Variants in INTS6 observed in about 807,000 individuals in gnomAD.
INTS6 encodes integrator complex subunit 6, also known as DEAD box protein.
A neutral mutation model predicts 104.9 loss-of-function variants in INTS6; 16 were observed. The observed-to-expected ratio is 0.15, with a 90% CI of 0.10 to 0.23. INTS6 has a LOEUF of 0.23. Among genes scored for constraint, INTS6 ranks in the 10% least tolerant of loss-of-function variants. The pLI, the probability that INTS6 is intolerant of heterozygous loss-of-function variation, is 1.00. For missense variants in INTS6, 584 were observed against 1,062.8 expected (o/e 0.55, Z 6.26); for synonymous variants, 324 against 358.7 (o/e 0.90, Z 1.09).
chr13:51,433,912 C>T (rs1957141078), intron 3 of INTS6, among the ~76,000 whole-genome samples: 1 of 152,142 alleles, frequency 6.6e-6, no homozygotes, highest in Non-Finnish European at 1.5e-5. Flanking sequence ...CCTAAAAAAA[C>T]TTAGTGAGGT....
At chr13:51,400,539 A>G (rs1298558970) in intron 4 of INTS6, among the ~76,000 whole-genome samples, 1 of 152,180 alleles carries the variant, frequency 6.6e-6, no homozygotes, top group Non-Finnish European at 1.5e-5. Flanking sequence ...TGGATATCCA[A>G]TTGATACAGG....
chr13:51,434,676 T>A (rs1045192608), intron 3 of INTS6, among the ~76,000 whole-genome samples: 1 of 152,130 alleles, frequency 6.6e-6, no homozygotes, highest in African/African-American at 2.4e-5. Flanking sequence ...ATTAACAAAT[T>A]TATTTAAGCA....
chr13:51,382,216 G>A lies in INTS6; in HGVS notation c.1181-93C>T. ...ACGTTTCCTTTTTAAAGTCTGCTTT[G>A]TTATTTTTGAGAGAGTAACATCAGA... On this transcript the variant is annotated intron_variant, in intron 9 of 17. Transcript: ENST00000311234. The A allele has an allele frequency of 4.8e-6, 3 of 627,710 alleles. 1 individual carries two copies. The South Asian group carries it at 7.2e-5, about 15-fold the overall frequency. 38.9% of individuals were successfully genotyped at this position (627,710 alleles called of 1,614,324 possible).
chr13:51,402,841 T>TCACC (rs1356711631), intron 4 of INTS6: 4 of 152,228 alleles, frequency 2.6e-5, no homozygotes, highest in Non-Finnish European at 5.9e-5. Flanking sequence ...GTGACAGTTA[T>TCACC]CACCAGGTAT....
intron 12 of INTS6, 85 bp from the exon 13 acceptor site, chr13:51,376,259 G>A: frequency 4.7e-6 from 5 of 1,064,812 alleles, no homozygotes; most frequent in South Asian, 2.2e-5. Context: ...GCATAGGTTT[G>A]GAAATAAGAT....
At chr13:51,429,639 C>T (rs1326770506) in intron 4 of INTS6, among the ~76,000 whole-genome samples, 1 of 151,264 alleles carries the variant, frequency 6.6e-6, no homozygotes, top group Non-Finnish European at 1.5e-5. Flanking sequence ...TGGCTCATGC[C>T]TGTAATCCCA....
intron 6 of INTS6, 40 bp downstream of exon 6, chr13:51,389,279 A>G: frequency 6.3e-7 from 1 of 1,597,526 alleles, no homozygotes; most frequent in Non-Finnish European, 8.5e-7. Context: ...ATAAACAATA[A>G]AGCAAGTTTT....
chr13:51,378,598 G>T, intron 11 of INTS6, 144 bp from the exon 12 acceptor site: 1 of 417,520 alleles, frequency 2.4e-6, no homozygotes, highest in Non-Finnish European at 4.1e-6. Context: ...TTTATGTCAA[G>T]TATTGGGTAA....
chr13:51,399,660 TTCA>T (rs1221421990), intron 4 of INTS6, among the ~76,000 whole-genome samples: 1 of 152,110 alleles, frequency 6.6e-6, no homozygotes, highest in East Asian at 1.9e-4. Context: ...CTGTATCTCC[TTCA>T]TCAACACTTA....
chr13:51,452,073 G>A lies in INTS6; in HGVS notation c.112-18C>T, dbSNP rs753022928. The A allele has an allele frequency of 6.8e-6, 11 of 1,606,792 alleles. No individual in the cohort carries two copies. Among genetic ancestry groups the A allele is most frequent in the Non-Finnish European group, 8.5e-6 (10 of 1,176,284 alleles). On this transcript the variant is annotated intron_variant, in intron 1 of 17. Transcript: ENST00000311234. This position sits in a 1 kb window ranked among gnomAD's most constrained non-coding sequence, Gnocchi z 4.2. ...GCACGGAGCTGCGGGACGGGAGGAG[G>A]AACAGGGCGGGCGACAGGGAAGCAC...
At chr13:51,373,049 A>C (rs1955842434) in intron 15 of INTS6, among the ~76,000 whole-genome samples, 1 of 151,916 alleles carries the variant, frequency 6.6e-6, no homozygotes, top group African/African-American at 2.4e-5. Context: ...TCTGGAAAAA[A>C]TATTTTTTTT....
At chr13:51,435,235 C>A (rs1418418200) in intron 3 of INTS6, among the ~76,000 whole-genome samples, 1 of 151,988 alleles carries the variant, frequency 6.6e-6, no homozygotes, top group Non-Finnish European at 1.5e-5. Context: ...GTTTTACTCT[C>A]AGAGCAGTGG....
chr13:51,407,664 ACTATAAT>A (rs977506005), intron 4 of INTS6, among the ~76,000 whole-genome samples: 10 of 152,330 alleles, frequency 6.6e-5, no homozygotes, highest in African/African-American at 2.4e-4. Flanking sequence ...ATAACAAGGT[ACTATAAT>A]AAAGTATGAT....
chr13:51,388,470 C>T (rs538785386), intron 6 of INTS6, among the ~76,000 whole-genome samples: 10 of 151,892 alleles, frequency 6.6e-5, no homozygotes, highest in Non-Finnish European at 7.4e-5. Context: ...CTCCACTCAC[C>T]GCAACCTCCA....
intron 4 of INTS6, among the ~76,000 whole-genome samples, chr13:51,424,445 T>C (rs1956951281): frequency 6.6e-6 from 1 of 152,026 alleles, no homozygotes; most frequent in South Asian, 2.1e-4. Flanking sequence ...AATTGAAATA[T>C]TTCATCAACT....
rs1385286113 is a variant in INTS6, at chr13:51,363,108, TC to T, written c.*2643del. ...ACAGGACTACATTTGAACAGAAAGG[TC>T]ATTGCCAAAAGCCAATAGCCAATAA... On this transcript the variant is annotated 3_prime_UTR_variant, in exon 18 of 18. Transcript: ENST00000311234. 1 of 151,900 alleles carries T rather than the reference TC, an allele frequency of 6.6e-6. No individual in the cohort carries two copies. The highest frequency in any genetic ancestry group is 1.5e-5 in the Non-Finnish European group (1 of 67,898). 9.4% of individuals were successfully genotyped at this position (151,900 alleles called of 1,614,324 possible).
At chr13:51,450,665 C>T (rs1056858978) in intron 3 of INTS6, 4 of 992,540 alleles carry the variant, frequency 4.0e-6, no homozygotes, top group African/African-American at 3.5e-5. Context: ...ACGAAGAACA[C>T]GAACTAGTGT....
At chr13:51,424,714 G>C (rs978506601) in intron 4 of INTS6, among the ~76,000 whole-genome samples, 2 of 152,022 alleles carry the variant, frequency 1.3e-5, no homozygotes, top group African/African-American at 2.4e-5. Context: ...AAATCAGTAA[G>C]ACAAGAGCTA....
chr13:51,428,926 A>G (rs1957033230), intron 4 of INTS6, among the ~76,000 whole-genome samples: 2 of 152,240 alleles, frequency 1.3e-5, no homozygotes, highest in Non-Finnish European at 1.5e-5. Context: ...GCAGAGAATT[A>G]TATCTCTTTA....
Sources: gnomAD v4.1 joint callset for allele counts (sites outside exome capture counted in the v4.1 genomes callset) on GRCh38, gnomAD v4.1.1 for gene constraint, Gnocchi (gnomAD v3.1) non-coding constraint, MANE v1.5 for transcripts, NCBI Gene and HGNC (gene_info 2026-07-23, HGNC 2026-07-21) for gene names.